C2orf66: variants seen among roughly 807,000 people sequenced by gnomAD.
C2orf66 encodes chromosome 2 open reading frame 66.
A neutral mutation model predicts 7.0 loss-of-function variants in C2orf66; 6 were observed. The ratio of observed to expected loss-of-function variants is 0.86; its 90% CI spans 0.47 to 1.69. The LOEUF is 1.69. Ranked by LOEUF, C2orf66 falls within the 40% of genes most tolerant of loss-of-function variation. The pLI, the probability that C2orf66 is intolerant of heterozygous loss-of-function variation, is 0.01. For missense variants in C2orf66, 107 were observed against 112.0 expected (o/e 0.96, Z 0.20); for synonymous variants, 38 against 43.8 (o/e 0.87, Z 0.52).
At chr2:196,829,482 G>A in the C2orf66 span, among the ~76,000 whole-genome samples, 1 of 151,970 alleles carries the variant, frequency 6.6e-6, no homozygotes, top group Non-Finnish European at 1.5e-5. Context: ...CCAGCTACTC[G>A]GGAGGCTGAG....
At chr2:196,812,520 CACAAG>C (rs1300677191), upstream of C2orf66, among the ~76,000 whole-genome samples, 20 of 152,264 alleles carry the variant, frequency 1.3e-4, no homozygotes, top group African/African-American at 4.8e-4. Context: ...TAAAAACTGG[CACAAG>C]ACAAGGATGC....
chr2:196,809,224 T>A lies in C2orf66; in HGVS notation c.113A>T (p.Asn38Ile). ...DKWKPLNNPR[N>I]RDLFFRRLQA... Reference sequence around the variant, plus strand: ...CAAGTGTGTTCTTACCAGATCTCTGTTTCTGGGGTTGTTGAGTGGCTTCCA... The same window carrying A: ...CAAGTGTGTTCTTACCAGATCTCTGATTCTGGGGTTGTTGAGTGGCTTCCA... The change falls in exon 1 of 3, where the codon AAC (asparagine) becomes ATC (isoleucine). Residue 38 changes from asparagine to isoleucine, a missense_variant. Transcript: ENST00000342506. The A allele has an allele frequency of 6.2e-7, 1 of 1,613,954 alleles. No individual in the cohort carries two copies. Among genetic ancestry groups the A allele is most frequent in the Non-Finnish European group, 8.5e-7 (1 of 1,179,920 alleles).
the C2orf66 span, among the ~76,000 whole-genome samples, chr2:196,825,625 G>T: frequency 6.6e-6 from 1 of 152,162 alleles, no homozygotes; most frequent in African/African-American, 2.4e-5. Context: ...ATCTCAAAGG[G>T]TTACAAGATA....
the C2orf66 span, among the ~76,000 whole-genome samples, chr2:196,822,106 G>T: frequency 6.6e-6 from 1 of 151,494 alleles, no homozygotes; most frequent in South Asian, 2.1e-4. Context: ...GTAGAGATGG[G>T]GTTTCACCAT....
At chr2:196,812,932 G>GAC (rs553792624), upstream of C2orf66, among the ~76,000 whole-genome samples, 27 of 152,128 alleles carry the variant, frequency 1.8e-4, no homozygotes, top group Non-Finnish European at 2.1e-4. Context: ...AATAAGAGAG[G>GAC]ACACAAACAA....
the C2orf66 span, among the ~76,000 whole-genome samples, chr2:196,814,391 G>A: frequency 6.6e-6 from 1 of 152,094 alleles, no homozygotes; most frequent in East Asian, 1.9e-4. Context: ...ATGGACACAG[G>A]GAGGGGAACA....
chr2:196,804,790 T>G lies in C2orf66; in HGVS notation c.*638A>C, dbSNP rs1165828725. ...GCACAATGTCCACCTCTGAATACTCTGGCAAAGAGCATCTTTGGAGGCGTT... is the reference window on the plus strand; with the variant it reads ...GCACAATGTCCACCTCTGAATACTCGGGCAAAGAGCATCTTTGGAGGCGTT... On this transcript the variant is annotated 3_prime_UTR_variant, in exon 3 of 3. Coordinates refer to ENST00000342506, the MANE Select transcript of C2orf66 (RefSeq NM_213608.3). Among the ~76,000 whole-genome samples the G allele has an allele frequency of 6.6e-6, 1 of 152,244 alleles. No individual in the cohort carries two copies. The highest frequency in any genetic ancestry group is 1.5e-5 in the Non-Finnish European group (1 of 68,034).
chr2:196,831,796 C>G, the C2orf66 span, among the ~76,000 whole-genome samples: 1 of 152,162 alleles, frequency 6.6e-6, no homozygotes, highest in Non-Finnish European at 1.5e-5. Context: ...TCCCAGACAT[C>G]GCCTGAGTTT....
chr2:196,819,618 G>T, the C2orf66 span, among the ~76,000 whole-genome samples: 1 of 152,158 alleles, frequency 6.6e-6, no homozygotes. Context: ...TTGGCTCATG[G>T]TTCACAAGGT....
At chr2:196,829,379 A>T in the C2orf66 span, among the ~76,000 whole-genome samples, 3 of 152,276 alleles carry the variant, frequency 2.0e-5, no homozygotes, top group Admixed American at 1.3e-4. Flanking sequence ...ACCTGAGGTC[A>T]GGAGTTTGAG....
At chr2:196,821,122 T>C in the C2orf66 span, among the ~76,000 whole-genome samples, 245 of 152,182 alleles carry the variant, frequency 1.6e-3, no homozygotes, top group African/African-American at 5.7e-3. Context: ...CCTTGAGGGC[T>C]GGTATGATGT....
At chr2:196,825,903 C>T in the C2orf66 span, among the ~76,000 whole-genome samples, 1 of 152,160 alleles carries the variant, frequency 6.6e-6, no homozygotes, top group Non-Finnish European at 1.5e-5. Context: ...CTAATTTGTA[C>T]ATGGGCTTGT....
chr2:196,824,208 C>A, the C2orf66 span, among the ~76,000 whole-genome samples: 1 of 152,098 alleles, frequency 6.6e-6, no homozygotes, highest in Non-Finnish European at 1.5e-5. Context: ...TACTTAATTT[C>A]TCTGAGCCTA....
chr2:196,811,159 T>G (rs550308060), upstream of C2orf66, among the ~76,000 whole-genome samples: 2 of 152,260 alleles, frequency 1.3e-5, no homozygotes, highest in Non-Finnish European at 2.9e-5. Flanking sequence ...ACTGAAATTA[T>G]GCCAGGCGTA....
At position 196,804,427 on chromosome 2, in the gene C2orf66, C is replaced by A. The variant is rs1285276631; in HGVS notation, c.*1001G>T. ...ACCAGACACAAAATCTGTTCTTGCACAAATATTTTATTCTTCATATACAAT... is the reference window on the plus strand; with the variant it reads ...ACCAGACACAAAATCTGTTCTTGCAAAAATATTTTATTCTTCATATACAAT... On this transcript the variant is annotated 3_prime_UTR_variant, in exon 3 of 3. Coordinates refer to ENST00000342506, the MANE Select transcript of C2orf66 (RefSeq NM_213608.3). 1.3e-5 allele frequency among the ~76,000 whole-genome samples: 2 copies of A among 152,144 alleles called. No homozygotes were observed. The highest frequency in any genetic ancestry group is 2.9e-5 in the Non-Finnish European group (2 of 68,024).
At chr2:196,819,959 C>T in the C2orf66 span, among the ~76,000 whole-genome samples, 1 of 152,102 alleles carries the variant, frequency 6.6e-6, no homozygotes, top group Non-Finnish European at 1.5e-5. Context: ...ATCTCTTGCA[C>T]ACAAACCAAT....
the C2orf66 span, among the ~76,000 whole-genome samples, chr2:196,821,671 T>G: frequency 2.0e-5 from 3 of 152,112 alleles, no homozygotes; most frequent in African/African-American, 7.2e-5. Context: ...TTTCCATGAG[T>G]CACATAATTT....
the C2orf66 span, among the ~76,000 whole-genome samples, chr2:196,815,038 C>A: frequency 3.3e-5 from 5 of 152,158 alleles, no homozygotes; most frequent in Non-Finnish European, 7.3e-5. Flanking sequence ...AATCACAGCT[C>A]ACTGCAGCCT....
At chr2:196,805,699 T>C (rs1227826419) in intron 2 of C2orf66, among the ~76,000 whole-genome samples, 1 of 152,186 alleles carries the variant, frequency 6.6e-6, no homozygotes, top group Non-Finnish European at 1.5e-5. Flanking sequence ...TGAAAGTATT[T>C]ATTTGATATT....
Sources: allele counts gnomAD v4.1 joint callset (sites outside exome capture counted in the v4.1 genomes callset), GRCh38; gene constraint gnomAD v4.1.1; transcripts MANE v1.5; gene names NCBI Gene and HGNC (gene_info 2026-07-23, HGNC 2026-07-21).